The following DOCK8 variants were observed in gnomAD, a reference collection of about 807,000 sequenced individuals.
DOCK8 encodes dedicator of cytokinesis protein 8.
Under a neutral mutation model 245.6 loss-of-function variants are expected in DOCK8, and 141 were observed. The ratio of observed to expected loss-of-function variants is 0.57; its 90% CI spans 0.50 to 0.66. The LOEUF is 0.66. Among genes scored for constraint, DOCK8 ranks in the 30% least tolerant of loss-of-function variants. The probability of loss-of-function intolerance (pLI) is 0.00; values close to 1 mark genes in which losing one functional copy is unlikely to be tolerated. For synonymous variants in DOCK8, 1,168 were observed against 970.2 expected (o/e 1.20, Z -3.79); for missense variants, 2,965 against 2,603.4 (o/e 1.14, Z -3.02).
chr9:259,623 A>AG (rs2047868110), intron 1 of DOCK8, among the ~76,000 whole-genome samples: 3 of 152,210 alleles, frequency 2.0e-5, no homozygotes, highest in African/African-American at 7.2e-5. Flanking sequence ...CTCAGCACAG[A>AG]GCCCTGTGTC....
intron 5 of DOCK8, among the ~76,000 whole-genome samples, chr9:309,351 G>A (rs921835000): frequency 1.3e-5 from 2 of 152,100 alleles, no homozygotes; most frequent in Admixed American, 1.3e-4. Flanking sequence ...ATCTAGTAGA[G>A]TAGTACTTTT....
At chr9:272,973 T>G (rs138607144) in intron 2 of DOCK8, 1 of 925,744 alleles carries the variant, frequency 1.1e-6, no homozygotes, top group African/African-American at 1.8e-5. Flanking sequence ...GGTTACTTTT[T>G]GTTTCTACTT....
intron 4 of DOCK8, among the ~76,000 whole-genome samples, chr9:290,980 G>T (rs1374817977): frequency 1.3e-5 from 2 of 152,184 alleles, no homozygotes; most frequent in Non-Finnish European, 2.9e-5. Flanking sequence ...AAAGTTAGAT[G>T]CCAATCCATC....
Position 340,151 on chromosome 9 carries a change from C to G in DOCK8, c.1517-8C>G. On this transcript the variant is annotated splice_region_variant and splice_polypyrimidine_tract_variant and intron_variant, in intron 13 of 47. Transcript: ENST00000432829. Reference sequence around the variant, plus strand: ...CTTTACTAGAACATTCCTATTTTCTCTCTTTAGGCTTGCTAAGACTGGAGA... The same window carrying G: ...CTTTACTAGAACATTCCTATTTTCTGTCTTTAGGCTTGCTAAGACTGGAGA... The G allele has an allele frequency of 6.2e-7, 1 of 1,613,910 alleles. No homozygotes were observed.
At chr9:283,415 T>A (rs1006889458) in intron 2 of DOCK8, among the ~76,000 whole-genome samples, 1 of 152,222 alleles carries the variant, frequency 6.6e-6, no homozygotes, top group African/African-American at 2.4e-5. Context: ...TTTATTTGTA[T>A]AAGTTTAAGT....
Position 399,276 on chromosome 9 carries a change from C to CT in DOCK8, c.3234+17_3234+18insT, listed in dbSNP as rs1161546768. 2 of 1,436,658 alleles carry CT rather than the reference C, an allele frequency of 1.4e-6. No individual in the cohort carries two copies. Among genetic ancestry groups the CT allele is most frequent in the African/African-American group, 3.9e-5 (2 of 51,436 alleles). The allele number at this position is 1,436,658 out of a possible 1,614,324, so 89.0% of individuals were successfully genotyped here. ...TGCAGCCAGGTGAGTGTCCCCCCCA[C>CT]CCCCACCCCCGAGCGAGCCACTTGG... On this transcript the variant is annotated intron_variant, in intron 26 of 47. Coordinates refer to ENST00000432829, the MANE Select transcript of DOCK8 (RefSeq NM_203447.4).
At chr9:230,302 G>A (rs1290443864) in intron 1 of DOCK8, among the ~76,000 whole-genome samples, 5 of 69,272 alleles carry the variant, frequency 7.2e-5, no homozygotes, top group African/African-American at 1.7e-4. Flanking sequence ...CCAGTCTATC[G>A]TTGGGCATTT....
chr9:300,426 G>T (rs1348495874), intron 4 of DOCK8, among the ~76,000 whole-genome samples: 1 of 151,944 alleles, frequency 6.6e-6, no homozygotes, highest in East Asian at 1.9e-4. Context: ...AATGGTGTGT[G>T]ACCTGGAGGT....
chr9:407,181 A>G (rs555496655), intron 28 of DOCK8, 112 bp downstream of exon 28: 1 of 1,464,446 alleles, frequency 6.8e-7, no homozygotes, highest in African/African-American at 1.4e-5. Context: ...GTAGTTGACC[A>G]GTTCTGAGGA....
chr9:275,966 C>G (rs2048331032), intron 2 of DOCK8, among the ~76,000 whole-genome samples: 1 of 151,572 alleles, frequency 6.6e-6, no homozygotes, highest in African/African-American at 2.4e-5. Context: ...TTTCTGCTCT[C>G]TGCAACCTCT....
chr9:356,181 A>G (rs1467984799), intron 14 of DOCK8, among the ~76,000 whole-genome samples: 2 of 152,194 alleles, frequency 1.3e-5, no homozygotes, highest in Non-Finnish European at 2.9e-5. Context: ...GGAAAGATAC[A>G]TTTATCCAGT....
intron 3 of DOCK8, among the ~76,000 whole-genome samples, chr9:286,961 A>G (rs1305135362): frequency 6.6e-6 from 1 of 152,226 alleles, no homozygotes; most frequent in Non-Finnish European, 1.5e-5. Context: ...TGGCTGTCAC[A>G]TGACCTCCCA....
intron 2 of DOCK8, among the ~76,000 whole-genome samples, chr9:272,254 A>G (rs943263843): frequency 6.6e-6 from 1 of 152,122 alleles, no homozygotes; most frequent in South Asian, 2.1e-4. Flanking sequence ...CTTTTATCCT[A>G]AAGCGTTCCC....
rs1459631712 is a variant in DOCK8 at position 407,107 on chromosome 9, A to G, written c.3530+38A>G. The stretch of plus-strand genomic sequence containing the variant: ...CATTTAAAATGGAAGATGAAGCCAA[A>G]AAAACAGATGTTCTTTAATAAAATT... On this transcript the variant is annotated intron_variant, in intron 28 of 47. Coordinates refer to ENST00000432829, the MANE Select transcript of DOCK8 (RefSeq NM_203447.4). 4.3e-6 allele frequency: 7 copies of G among 1,613,816 alleles called. No individual in the cohort carries two copies. In the Admixed American group the frequency reaches 8.3e-5, roughly 19 times the overall value.
chr9:400,399 T>A (rs903174530), intron 26 of DOCK8, among the ~76,000 whole-genome samples: 6 of 33,092 alleles, frequency 1.8e-4, no homozygotes, highest in East Asian at 6.7e-4. Flanking sequence ...CACCACCACC[T>A]CCACCATCAC....
chr9:350,473 A>G (rs986618258), intron 14 of DOCK8, among the ~76,000 whole-genome samples: 2 of 152,200 alleles, frequency 1.3e-5, no homozygotes, highest in African/African-American at 2.4e-5. Flanking sequence ...GATTCTGCCA[A>G]TGTACGTGCC....
chr9:307,640 G>A (rs905274840), intron 5 of DOCK8, among the ~76,000 whole-genome samples: 3 of 151,978 alleles, frequency 2.0e-5, no homozygotes, highest in South Asian at 4.2e-4. Flanking sequence ...TTACAGGTGT[G>A]AGCCACCGCA....
intron 29 of DOCK8, among the ~76,000 whole-genome samples, chr9:416,384 C>T (rs978925527): frequency 2.0e-5 from 3 of 152,176 alleles, no homozygotes; most frequent in African/African-American, 7.2e-5. Flanking sequence ...CCAGGAACCA[C>T]TTTAGCACAC....
chr9:456,948 A>C (rs1310069503), intron 46 of DOCK8: 1 of 152,222 alleles, frequency 6.6e-6, no homozygotes, highest in Non-Finnish European at 1.5e-5. Context: ...TAAGAGAAGT[A>C]GTTTCAGATA....
Sources: gnomAD v4.1 joint callset for allele counts (sites outside exome capture counted in the v4.1 genomes callset) on GRCh38, gnomAD v4.1.1 for gene constraint, MANE v1.5 for transcripts, NCBI Gene and HGNC (gene_info 2026-07-23, HGNC 2026-07-21) for gene names.